PDGFRB: variants seen among roughly 807,000 people sequenced by gnomAD.
The protein encoded by PDGFRB is platelet-derived growth factor receptor beta.
Under a neutral mutation model 120.2 loss-of-function variants are expected in PDGFRB, and 42 were observed. The observed-to-expected ratio is 0.35, with a 90% CI of 0.27 to 0.45. The LOEUF (loss-of-function observed/expected upper bound fraction) is 0.45. PDGFRB is among the 20% of genes least tolerant of loss of function. The probability of loss-of-function intolerance (pLI) is 1.00; values close to 1 mark genes in which losing one functional copy is unlikely to be tolerated. For synonymous variants in PDGFRB, 586 were observed against 606.8 expected, an observed-to-expected ratio of 0.97 and a Z score of 0.50; for missense variants, 1,149 against 1,476.3, an observed-to-expected ratio of 0.78 and a Z score of 3.63.
rs74943037 is a variant in PDGFRB at position 150,129,945 on chromosome 5, G to A, written c.1391C>T (p.Thr464Met). 7,426 of 1,613,902 alleles carry A rather than the reference G, an allele frequency of 4.6e-3. 265 individuals carry two copies. In the African/African-American group the frequency reaches 0.084, roughly 18 times the overall value. ...CTCTTCGGAACTGTTCCCCAGCAGC[G>A]TGGGCGGCAGCTCACGTGGACACCT... ...LKRCPRELPPTLLGNSSEEES... is the reference protein window; with the variant it reads ...LKRCPRELPPMLLGNSSEEES... Residue 464 changes from threonine (T) to methionine (M), a missense_variant, in exon 10 of 23, where the codon ACG becomes ATG. Coordinates refer to ENST00000261799, the MANE Select transcript of PDGFRB (RefSeq NM_002609.4).
Position 150,129,784 on chromosome 5 carries a change from T to C in PDGFRB, c.1552A>G (p.Thr518Ala), listed in dbSNP as rs1328302013. ...TGTGGCACCACGATGACCTCCTGCG[T>C]GTCCTGGCCCACAGCGTTGCGCAGC... ...CTLRNAVGQDTQEVIVVPHSL... is the reference protein window; with the variant it reads ...CTLRNAVGQDAQEVIVVPHSL... The change falls in exon 10 of 23, where the codon ACG becomes GCG. Residue 518 changes from threonine to alanine, a missense_variant. Physicochemically the swap from Thr to Ala is moderately conservative, Grantham distance 58. Coordinates refer to ENST00000261799, the MANE Select transcript of PDGFRB (RefSeq NM_002609.4). 1 of 1,613,764 alleles carries C rather than the reference T, an allele frequency of 6.2e-7. No individual in the cohort carries two copies. Among genetic ancestry groups the C allele is most frequent in the South Asian group, 1.1e-5 (1 of 91,084 alleles).
rs375978065 is a variant in PDGFRB, at chr5:150,123,141, C to T, written c.2084G>A (p.Arg695His). 1.5e-5 allele frequency: 24 copies of T among 1,613,528 alleles called. No individual in the cohort carries two copies. The highest frequency in any genetic ancestry group is 1.5e-4 in the African/African-American group (11 of 74,916). ...GTGCTGCAGGAAGGTGTGTTTGTTG[C>T]GGTGCAGGTAGTCCACCAGGTCTCC... ...RYGDLVDYLH[R>H]NKHTFLQHHS... The change falls in exon 15 of 23, where the codon CGC becomes CAC. Residue 695 changes from arginine (R) to histidine (H), a missense_variant. By Grantham distance (29) the Arg-to-His change is conservative. Transcript: ENST00000261799.
chr5:150,135,331 T>C (rs1760591253), intron 3 of PDGFRB, among the ~76,000 whole-genome samples: 1 of 151,992 alleles, frequency 6.6e-6, no homozygotes, highest in African/African-American at 2.4e-5. Flanking sequence ...AATATAGAGT[T>C]CTTGGGAGGC....
chr5:150,114,643 C>A lies in PDGFRB; in HGVS notation c.*1120G>T, dbSNP rs574061295. On this transcript the variant is annotated 3_prime_UTR_variant, in exon 23 of 23. Transcript: ENST00000261799. ...TGGGGAAGGGGCATGGTTCCTGAGTCCCCAGAGTGTGATGTGTGATCTGGA... is the reference window on the plus strand; with the variant it reads ...TGGGGAAGGGGCATGGTTCCTGAGTACCCAGAGTGTGATGTGTGATCTGGA... 25 of 233,486 alleles carry A rather than the reference C, an allele frequency of 1.1e-4. No individual in the cohort carries two copies. Among genetic ancestry groups the A allele is most frequent in the South Asian group, 7.2e-4 (4 of 5,528 alleles). The allele number at this position is 233,486 out of a possible 1,614,324, so 14.5% of individuals were successfully genotyped here.
rs188604477 is a variant in PDGFRB, at chr5:150,120,345, A to T, written c.2587-222T>A. ...CTTTCTCACTAGCTGGGGACAAGGC[A>T]GCCCCTGTCCCTGGGGAAAAGCCCC... On this transcript the variant is annotated intron_variant, in intron 18 of 22. Coordinates refer to ENST00000261799, the MANE Select transcript of PDGFRB (RefSeq NM_002609.4). The surrounding 1 kb of genome is among the most constrained non-coding windows in gnomAD (Gnocchi z 4.3). Among the ~76,000 whole-genome samples, 1 of 152,312 alleles carries T rather than the reference A, an allele frequency of 6.6e-6. No homozygotes were observed. The highest frequency in any genetic ancestry group is 1.9e-4 in the East Asian group (1 of 5,174).
chr5:150,139,960 C>T (rs111884151), intron 1 of PDGFRB, among the ~76,000 whole-genome samples: 4,212 of 147,906 alleles, frequency 0.028, 89 homozygotes, highest in Non-Finnish European at 0.04. Flanking sequence ...AGCCTGGTGA[C>T]AGAGTGAGAC....
chr5:150,122,882 C>T (rs1278658536), intron 15 of PDGFRB, among the ~76,000 whole-genome samples, 160 bp downstream of exon 15: 2 of 152,232 alleles, frequency 1.3e-5, no homozygotes, highest in East Asian at 1.9e-4. Flanking sequence ...GTTATTCCCT[C>T]ATCTGGGGTG....
chr5:150,130,283 G>A lies in PDGFRB; in HGVS notation c.1367+256C>T, dbSNP rs145021555. Among the ~76,000 whole-genome samples the A allele has an allele frequency of 2.1e-3, 322 of 152,326 alleles. 1 individual carries two copies. Among genetic ancestry groups the A allele is most frequent in the African/African-American group, 7.1e-3 (297 of 41,568 alleles). The stretch of plus-strand genomic sequence containing the variant: ...TCGACCTGGCCAGGAGTGCAGAACT[G>A]ATCTACAGGGCGGGTGAGGTCTCTG... On this transcript the variant is annotated intron_variant, in intron 9 of 22. Transcript: ENST00000261799.
chr5:150,119,812 T>C (rs4705110), intron 19 of PDGFRB, among the ~76,000 whole-genome samples, 200 bp downstream of exon 19: 2,475 of 152,186 alleles, frequency 0.016, 210 homozygotes, highest in Admixed American at 0.14. Context: ...CTGTCAATGC[T>C]CAGACAGGGA....
intron 1 of PDGFRB, among the ~76,000 whole-genome samples, chr5:150,145,470 T>G (rs185920500): frequency 2.4e-4 from 36 of 152,360 alleles, no homozygotes; most frequent in Admixed American, 2.2e-3. Flanking sequence ...GCTCCTTATA[T>G]GAATGATCTC....
Position 150,114,262 on chromosome 5 carries a change from G to A in PDGFRB, c.*1501C>T. 4.3e-6 allele frequency: 1 copy of A among 233,280 alleles called. No homozygotes were observed. Among genetic ancestry groups the A allele is most frequent in the Non-Finnish European group, 8.5e-6 (1 of 118,022 alleles). 14.5% of individuals were successfully genotyped at this position (233,280 alleles called of 1,614,324 possible). On this transcript the variant is annotated 3_prime_UTR_variant, in exon 23 of 23. Transcript: ENST00000261799. ...ATACCCCCATGGAGCGCTGCCTCAG[G>A]GATGGGGCAGCTGGTGGGTGAGGGG...
intron 22 of PDGFRB, 93 bp downstream of exon 22, chr5:150,117,525 G>C: frequency 1.5e-6 from 1 of 668,424 alleles, no homozygotes; most frequent in Non-Finnish European, 2.6e-6. Context: ...GGCAAACCTG[G>C]CAGCGCGCGC....
intron 22 of PDGFRB, 72 bp downstream of exon 22, chr5:150,117,546 A>ACGCGCACG: frequency 2.4e-6 from 1 of 419,152 alleles, no homozygotes; most frequent in Non-Finnish European, 3.7e-6. Flanking sequence ...GCGCGCGCGC[A>ACGCGCACG]CACACACACA....
chr5:150,122,094 C>A (rs1760157735), intron 15 of PDGFRB, 54 bp from the exon 16 acceptor site: 3 of 1,404,220 alleles, frequency 2.1e-6, no homozygotes, highest in South Asian at 2.3e-5. Context: ...TTCCCCTCCC[C>A]TCCTGCCCCT....
At position 150,126,585 on chromosome 5, in the gene PDGFRB, C is replaced by T; in HGVS notation, c.1609G>A (p.Ala537Thr). Residue 537 changes from alanine (A) to threonine (T), a missense_variant, in exon 11 of 23, where the codon GCC (alanine) becomes ACC (threonine). Ala to Thr is a moderately conservative substitution (Grantham distance 58). Around this residue, in one of 3 missense-constraint regions of PDGFRB, gnomAD observed 879 missense variants for 1,108.6 expected, o/e 0.79. Coordinates refer to ENST00000261799, the MANE Select transcript of PDGFRB (RefSeq NM_002609.4). ...SLPFKVVVISAILALVVLTII... is the reference protein window; with the variant it reads ...SLPFKVVVISTILALVVLTII... Reference sequence around the variant, plus strand: ...GTGAGCACCACCAGGGCCAGGATGGCTGAGATCACCACCACCTTAAAGGGC... The same window carrying T: ...GTGAGCACCACCAGGGCCAGGATGGTTGAGATCACCACCACCTTAAAGGGC... 1 of 1,608,714 alleles carries T rather than the reference C, an allele frequency of 6.2e-7. No individual in the cohort carries two copies. Among genetic ancestry groups the T allele is most frequent in the Non-Finnish European group, 8.5e-7 (1 of 1,175,208 alleles).
Position 150,123,171 on chromosome 5 carries a change from C to T in PDGFRB, c.2054G>A (p.Arg685His), listed in dbSNP as rs200986052. ...CAGGTAGTCCACCAGGTCTCCGTAG[C>T]GGCAGTACTCAGTGATGATATAGAT... ...GPIYIITEYCRYGDLVDYLHR... is the reference protein window; with the variant it reads ...GPIYIITEYCHYGDLVDYLHR... The change falls in exon 15 of 23, where the codon CGC becomes CAC. Residue 685 changes from arginine (R) to histidine (H), a missense_variant. Coordinates refer to ENST00000261799, the MANE Select transcript of PDGFRB (RefSeq NM_002609.4). The T allele has an allele frequency of 2.7e-5, 43 of 1,613,640 alleles. No individual in the cohort carries two copies. Among genetic ancestry groups the T allele is most frequent in the Non-Finnish European group, 3.5e-5 (41 of 1,179,856 alleles).
intron 10 of PDGFRB, among the ~76,000 whole-genome samples, chr5:150,127,756 C>T (rs776001558): frequency 6.9e-6 from 1 of 145,104 alleles, no homozygotes; most frequent in East Asian, 2.0e-4. Context: ...ATTGTTTGAA[C>T]CCGGGAGGCA....
intron 2 of PDGFRB, among the ~76,000 whole-genome samples, 193 bp downstream of exon 2, chr5:150,136,815 C>T (rs551873146): frequency 2.4e-4 from 37 of 152,264 alleles, no homozygotes; most frequent in African/African-American, 6.7e-4. Flanking sequence ...GGCCCACTGA[C>T]GCTTTCTGAG....
chr5:150,117,544 GCACACACACACACACA>G lies in PDGFRB; in HGVS notation c.3137+58_3137+73del, dbSNP rs3836743. The stretch of plus-strand genomic sequence containing the variant: ...AACCTGGCAGCGCGCGCGCGCGCGC[GCACACACACACACACA>G]CACACACACACACACACACTGTGCA... On this transcript the variant is annotated intron_variant, in intron 22 of 22. Transcript: ENST00000261799. 9.7e-6 allele frequency: 5 copies of G among 516,510 alleles called. No individual in the cohort carries two copies. In the Admixed American group the frequency reaches 1.1e-4, roughly 11 times the overall value. 32.0% of individuals were successfully genotyped at this position (516,510 alleles called of 1,614,324 possible).
Sources: allele counts gnomAD v4.1 joint callset (sites outside exome capture counted in the v4.1 genomes callset), GRCh38; gene constraint gnomAD v4.1.1; regional missense constraint gnomAD v4.1.1; non-coding constraint Gnocchi (gnomAD v3.1); transcripts MANE v1.5; gene names NCBI Gene and HGNC (gene_info 2026-07-23, HGNC 2026-07-21).